GRIK4: variants seen among roughly 807,000 people sequenced by gnomAD.
GRIK4 encodes the protein glutamate ionotropic receptor kainate type subunit 4, also known as glutamate receptor ionotropic, kainate 4.
In GRIK4, 40 loss-of-function variants were observed where a neutral mutation model predicts 104.9. The ratio of observed to expected loss-of-function variants is 0.38; its 90% CI spans 0.30 to 0.50. The LOEUF is 0.50. Ranked by LOEUF, GRIK4 falls within the 20% of genes least tolerant of loss-of-function variation. GRIK4 has a pLI of 0.93. For synonymous variants in GRIK4, 485 were observed against 524.9 expected (o/e 0.92, Z 1.04); for missense variants, 1,047 against 1,308.1 (o/e 0.80, Z 3.08).
intron 11 of GRIK4, among the ~76,000 whole-genome samples, chr11:120,897,362 C>T (rs371933193): frequency 4.0e-5 from 6 of 151,046 alleles, no homozygotes; most frequent in East Asian, 1.9e-4. Flanking sequence ...CGGCCGGGCG[C>T]GGTGGCTCAT....
chr11:120,914,328 G>A (rs1179069857), intron 13 of GRIK4, among the ~76,000 whole-genome samples: 2 of 152,214 alleles, frequency 1.3e-5, no homozygotes, highest in African/African-American at 2.4e-5. Flanking sequence ...TATGGGCCAG[G>A]CACTGTTCTG....
chr11:120,705,296 A>G (rs1201278254), intron 3 of GRIK4, among the ~76,000 whole-genome samples: 2 of 151,566 alleles, frequency 1.3e-5, no homozygotes, highest in African/African-American at 4.8e-5. Flanking sequence ...CAGTGGCACA[A>G]TCTCGGCTCA....
chr11:120,778,948 C>T (rs17124315), intron 3 of GRIK4, among the ~76,000 whole-genome samples: 4,622 of 152,280 alleles, frequency 0.03, 188 homozygotes, highest in African/African-American at 0.086. Flanking sequence ...CTCAGACTCA[C>T]GGCGGGGCTC....
intron 3 of GRIK4, among the ~76,000 whole-genome samples, chr11:120,798,116 C>T (rs1159193782): frequency 6.6e-6 from 1 of 150,736 alleles, no homozygotes; most frequent in Admixed American, 6.6e-5. Flanking sequence ...TTGTTCTATC[C>T]TCACGTGGCG....
intron 1 of GRIK4, among the ~76,000 whole-genome samples, chr11:120,640,789 A>G (rs1233936149): frequency 6.6e-6 from 1 of 151,838 alleles, no homozygotes; most frequent in East Asian, 1.9e-4. Flanking sequence ...GCTCACTGCA[A>G]CCTCCATCTC....
chr11:120,586,177 G>C (rs1056389545), intron 1 of GRIK4, among the ~76,000 whole-genome samples: 2 of 152,170 alleles, frequency 1.3e-5, no homozygotes, highest in Non-Finnish European at 2.9e-5. Flanking sequence ...TGGAGTACAT[G>C]GGGGAGTAGG....
rs114957571 is a variant in GRIK4, at chr11:120,593,167, G to A, written c.-158-60518G>A. ...ATTGCATTCCAGCTGGGGCAACAGA[G>A]CCTGACTCTGTCTCAAAAAAAAAAA... is the stretch of plus-strand genomic sequence containing the variant. On this transcript the variant is annotated intron_variant, in intron 1 of 20. Coordinates refer to ENST00000527524, the MANE Select transcript of GRIK4 (RefSeq NM_014619.5). Among the ~76,000 whole-genome samples, 1,033 of 135,992 alleles carry A rather than the reference G, an allele frequency of 7.6e-3. 7 individuals carry two copies. Among genetic ancestry groups the A allele is most frequent in the African/African-American group, 0.027 (979 of 36,034 alleles). The allele number at this position is 135,992 out of a possible 152,430, so 89.2% of individuals were successfully genotyped here.
chr11:120,628,824 A>G lies in GRIK4; in HGVS notation c.-158-24861A>G, dbSNP rs755999738. ...TGTTTTTTCTTATACCGTGAAAAAT[A>G]AATGTGAAGTAAAGAGGGTTTCAGG... is the stretch of plus-strand genomic sequence containing the variant. On this transcript the variant is annotated intron_variant, in intron 1 of 20. Transcript: ENST00000527524. 1.6e-4 allele frequency among the ~76,000 whole-genome samples: 24 copies of G among 152,188 alleles called. 1 individual carries two copies. The highest frequency in any genetic ancestry group is 1.0e-4 in the Non-Finnish European group (7 of 68,026).
chr11:120,615,686 G>A (rs1284585203), intron 1 of GRIK4, among the ~76,000 whole-genome samples: 3 of 152,178 alleles, frequency 2.0e-5, no homozygotes, highest in Admixed American at 6.5e-5. Flanking sequence ...CCTGCCCCTA[G>A]GGCCTGGTAA....
intron 8 of GRIK4, among the ~76,000 whole-genome samples, chr11:120,861,031 C>G (rs897587654): frequency 2.7e-5 from 4 of 150,812 alleles, no homozygotes; most frequent in African/African-American, 9.8e-5. Flanking sequence ...ATGCAAGCTC[C>G]TGGGCCTCAG....
chr11:120,601,062 A>G (rs1206200139), intron 1 of GRIK4, among the ~76,000 whole-genome samples: 1 of 151,950 alleles, frequency 6.6e-6, no homozygotes, highest in Non-Finnish European at 1.5e-5. Flanking sequence ...ACAAACAAAC[A>G]AGCAAAACTC....
chr11:120,523,946 G>C (rs1040576773), intron 1 of GRIK4, among the ~76,000 whole-genome samples: 1 of 142,656 alleles, frequency 7.0e-6, no homozygotes, highest in Non-Finnish European at 1.5e-5. Flanking sequence ...TTTTTTTCCT[G>C]AGACGGAGCC....
chr11:120,988,364 GCTT>G lies in GRIK4; in HGVS notation c.*2107_*2109del, dbSNP rs1349351992. On this transcript the variant is annotated 3_prime_UTR_variant, in exon 21 of 21. Transcript: ENST00000527524. ...GCTCCAACCTGCAGCTCCATCCTAT[GCTT>G]CTCACAGACAACGTGGTTCCTACTG... The G allele has an allele frequency of 6.6e-6, 1 of 152,162 alleles. No individual in the cohort carries two copies. The highest frequency in any genetic ancestry group is 2.4e-5 in the African/African-American group (1 of 41,416). The allele number at this position is 152,162 out of a possible 1,614,324, so 9.4% of individuals were successfully genotyped here. A position where few individuals can be genotyped will look rare whatever the true frequency, so the allele number is the denominator to read the frequency against.
rs563538198 is a variant in GRIK4 at position 120,727,225 on chromosome 11, A to G, written c.82+66825A>G. ...GCAGCCTCGTTCCTGCATATTCTCC[A>G]GACTGACCTCTCAGGGCTTCCTTCC... On this transcript the variant is annotated intron_variant, in intron 3 of 20. Coordinates refer to ENST00000527524, the MANE Select transcript of GRIK4 (RefSeq NM_014619.5). Among the ~76,000 whole-genome samples the G allele has an allele frequency of 3.9e-5, 6 of 152,322 alleles. No individual in the cohort carries two copies. In the South Asian group the frequency reaches 1.0e-3, roughly 26 times the overall value.
chr11:120,860,506 C>T (rs1167367347), intron 8 of GRIK4, among the ~76,000 whole-genome samples: 1 of 152,202 alleles, frequency 6.6e-6, no homozygotes, highest in Non-Finnish European at 1.5e-5. Flanking sequence ...TTCTAAATGT[C>T]ACTGCCTTTA....
At chr11:120,886,115 A>G (rs1393411715) in intron 11 of GRIK4, among the ~76,000 whole-genome samples, 4 of 152,208 alleles carry the variant, frequency 2.6e-5, no homozygotes. Flanking sequence ...CTACTTGCTA[A>G]AATCTATTTG....
chr11:120,545,113 G>A (rs1031569857), intron 1 of GRIK4, among the ~76,000 whole-genome samples: 4 of 152,108 alleles, frequency 2.6e-5, no homozygotes, highest in South Asian at 2.1e-4. Flanking sequence ...GGCCTGGCCC[G>A]CGGGGTCACT....
At chr11:120,973,913 A>T (rs948499715) in intron 19 of GRIK4, among the ~76,000 whole-genome samples, 6 of 149,042 alleles carry the variant, frequency 4.0e-5, no homozygotes, top group Non-Finnish European at 8.9e-5. Flanking sequence ...CCCTTAAATC[A>T]TTTTTTTTTT....
chr11:120,886,143 C>T (rs1414147197), intron 11 of GRIK4, among the ~76,000 whole-genome samples: 2 of 152,206 alleles, frequency 1.3e-5, no homozygotes, highest in East Asian at 3.8e-4. Flanking sequence ...CAAATCAATA[C>T]AGTGCTTTTG....
Sources: allele counts gnomAD v4.1 joint callset (sites outside exome capture counted in the v4.1 genomes callset), GRCh38; gene constraint gnomAD v4.1.1; transcripts MANE v1.5; gene names NCBI Gene and HGNC (gene_info 2026-07-23, HGNC 2026-07-21).